Variants in TRIO observed in about 807,000 individuals in gnomAD.
The protein encoded by TRIO is triple functional domain protein.
TRIO carries 58 observed loss-of-function variants against 351.9 expected under a neutral mutation model. That is an observed-to-expected ratio of 0.16 (90% confidence interval 0.13 to 0.21). The LOEUF (loss-of-function observed/expected upper bound fraction) is 0.21, where lower values mean the gene tolerates loss of function less well. TRIO is among the 10% of genes least tolerant of loss of function. TRIO has a pLI of 1.00. For missense variants in TRIO, 3,201 were observed against 4,027.8 expected (o/e 0.79, Z 5.56); for synonymous variants, 1,758 against 1,595.7 (o/e 1.10, Z -2.42).
At chr5:14,249,816 A>G (rs533716672) in intron 1 of TRIO, among the ~76,000 whole-genome samples, 1 of 152,340 alleles carries the variant, frequency 6.6e-6, no homozygotes, top group East Asian at 1.9e-4. Flanking sequence ...GAGCAGCTTC[A>G]TTTGATGGTG....
chr5:14,423,695 T>C (rs1016055822), intron 34 of TRIO, among the ~76,000 whole-genome samples: 4 of 152,146 alleles, frequency 2.6e-5, no homozygotes, highest in Non-Finnish European at 5.9e-5. Context: ...TGAGCGTCTC[T>C]CACTCTCTGC....
chr5:14,191,848 C>G (rs1790477908), intron 1 of TRIO, among the ~76,000 whole-genome samples: 3 of 152,188 alleles, frequency 2.0e-5, no homozygotes, highest in African/African-American at 2.4e-5. Context: ...TGGCTCTGCT[C>G]CTTCACCATA....
intron 1 of TRIO, among the ~76,000 whole-genome samples, chr5:14,243,924 A>G (rs1794281614): frequency 6.6e-6 from 1 of 152,234 alleles, no homozygotes; most frequent in Non-Finnish European, 1.5e-5. Context: ...GTACAATAAC[A>G]GCGCCATATG....
intron 1 of TRIO, among the ~76,000 whole-genome samples, chr5:14,220,966 C>T (rs1581381786): frequency 6.6e-6 from 1 of 152,196 alleles, no homozygotes; most frequent in East Asian, 1.9e-4. Context: ...ACTTTCACAG[C>T]TAGAGAGGAG....
rs1258398966 is a variant in TRIO at position 14,368,626 on chromosome 5, G to C, written c.2875-82G>C. On this transcript the variant is annotated intron_variant, in intron 16 of 56. Coordinates refer to ENST00000344204, the MANE Select transcript of TRIO (RefSeq NM_007118.4). ...TATTTCCACAAAATCATGAAGAACA[G>C]AGTAACTGTAGCCATCCTGGTTCCT... is the stretch of plus-strand genomic sequence containing the variant. The C allele has an allele frequency of 2.8e-5, 40 of 1,442,204 alleles. No homozygotes were observed. The Admixed American group carries it at 8.2e-4, about 30-fold the overall frequency. 89.3% of individuals were successfully genotyped at this position (1,442,204 alleles called of 1,614,324 possible). A position where few individuals can be genotyped will look rare whatever the true frequency, so the allele number is the denominator to read the frequency against.
rs564811668 is a variant in TRIO, at chr5:14,347,580, C to T, written c.2047-10598C>T. 2.3e-4 allele frequency among the ~76,000 whole-genome samples: 35 copies of T among 152,330 alleles called. No homozygotes were observed. The South Asian group carries it at 3.5e-3, about 15-fold the overall frequency. The stretch of plus-strand genomic sequence containing the variant: ...CGGAAAACTACTTTGCTGTGTTAAG[C>T]GCTATTTTTCTTAAAAATGGGCAAA... On this transcript the variant is annotated intron_variant, in intron 11 of 56. Coordinates refer to ENST00000344204, the MANE Select transcript of TRIO (RefSeq NM_007118.4).
chr5:14,415,611 T>C (rs536147354), intron 33 of TRIO, among the ~76,000 whole-genome samples: 1 of 152,344 alleles, frequency 6.6e-6, no homozygotes, highest in African/African-American at 2.4e-5. Context: ...AATTCTGTTC[T>C]ATGTGGTAAT....
intron 8 of TRIO, among the ~76,000 whole-genome samples, chr5:14,311,668 A>G (rs898309674): frequency 1.3e-5 from 2 of 152,176 alleles, no homozygotes; most frequent in Non-Finnish European, 2.9e-5. Flanking sequence ...CTTTATTAGA[A>G]CCTTGATATG....
Position 14,485,053 on chromosome 5 carries a change from T to A in TRIO, c.6658-16T>A. 1.6e-6 allele frequency: 1 copy of A among 631,678 alleles called. No individual in the cohort carries two copies. Among genetic ancestry groups the A allele is most frequent in the Non-Finnish European group, 2.4e-6 (1 of 417,368 alleles). The allele number at this position is 631,678 out of a possible 1,614,324, so 39.1% of individuals were successfully genotyped here. ...CACCTGTTAGCTATTATGAATAATG[T>A]TTTTTTTTTTTTAAGGTGAGTTGCC... On this transcript the variant is annotated splice_polypyrimidine_tract_variant and intron_variant, in intron 46 of 56. Coordinates refer to ENST00000344204, the MANE Select transcript of TRIO (RefSeq NM_007118.4).
At chr5:14,375,187 G>A (rs986283744) in intron 19 of TRIO, among the ~76,000 whole-genome samples, 1 of 152,242 alleles carries the variant, frequency 6.6e-6, no homozygotes, top group East Asian at 1.9e-4. Context: ...ATTTATTGAT[G>A]GGCTTTTTCT....
intron 19 of TRIO, 71 bp from the exon 20 acceptor site, chr5:14,377,941 A>C: frequency 8.4e-7 from 1 of 1,185,172 alleles, no homozygotes; most frequent in Non-Finnish European, 1.2e-6. Flanking sequence ...CTAAATAAAA[A>C]TGAATGGAAT....
intron 1 of TRIO, among the ~76,000 whole-genome samples, chr5:14,146,792 T>C (rs886421245): frequency 2.6e-5 from 4 of 152,152 alleles, no homozygotes; most frequent in Admixed American, 2.6e-4. Context: ...GTTCTCCGCT[T>C]TTCTTTGGGT....
chr5:14,497,822 T>A lies in TRIO; in HGVS notation c.8020-25T>A. 6.2e-7 allele frequency: 1 copy of A among 1,614,206 alleles called. No individual in the cohort carries two copies. Among genetic ancestry groups the A allele is most frequent in the Non-Finnish European group, 8.5e-7 (1 of 1,180,014 alleles). ...CCTTAAAGTAGCTCATTTCAGTTAATGCTTGTTTGCTGTTTCCATTTCAGC... is the reference window on the plus strand; with the variant it reads ...CCTTAAAGTAGCTCATTTCAGTTAAAGCTTGTTTGCTGTTTCCATTTCAGC... On this transcript the variant is annotated intron_variant, in intron 50 of 56. Transcript: ENST00000344204. The surrounding 1 kb of genome is among the most constrained non-coding windows in gnomAD (Gnocchi z 4.4).
chr5:14,397,994 G>C (rs1455317233), intron 29 of TRIO, among the ~76,000 whole-genome samples: 3 of 152,174 alleles, frequency 2.0e-5, no homozygotes, highest in African/African-American at 7.2e-5. Context: ...GCAGGAAGTG[G>C]GGAAGAAAGT....
At chr5:14,263,842 C>T (rs1479146740) in intron 1 of TRIO, among the ~76,000 whole-genome samples, 1 of 152,170 alleles carries the variant, frequency 6.6e-6, no homozygotes, top group East Asian at 1.9e-4. Flanking sequence ...ACAGGCTTTA[C>T]AGGGACATGC....
In TRIO at chr5:14,314,496, A is replaced by G. The variant is rs575331127; in HGVS notation, c.1501-2017A>G. 3.7e-4 allele frequency among the ~76,000 whole-genome samples: 56 copies of G among 152,328 alleles called. No homozygotes were observed. In the South Asian group the frequency reaches 0.011, roughly 31 times the overall value. ...TTATTGTGGTCATGTGATATTTTGA[A>G]AGGGAAAACAGCTCTTGTAAAGTTC... is the stretch of plus-strand genomic sequence containing the variant. On this transcript the variant is annotated intron_variant, in intron 8 of 56. Coordinates refer to ENST00000344204, the MANE Select transcript of TRIO (RefSeq NM_007118.4).
intron 2 of TRIO, among the ~76,000 whole-genome samples, chr5:14,276,414 G>C (rs565080321): frequency 6.6e-6 from 1 of 152,386 alleles, no homozygotes; most frequent in Non-Finnish European, 1.5e-5. Flanking sequence ...AGAAGGTGCA[G>C]GGCTGGCGAG....
intron 1 of TRIO, among the ~76,000 whole-genome samples, chr5:14,246,563 G>A (rs568882830): frequency 6.6e-6 from 1 of 152,208 alleles, no homozygotes; most frequent in Admixed American, 6.5e-5. Flanking sequence ...AGTCTCAACC[G>A]GAATGTCACT....
At chr5:14,384,520 T>G (rs1480917427) in intron 21 of TRIO, among the ~76,000 whole-genome samples, 1 of 152,220 alleles carries the variant, frequency 6.6e-6, no homozygotes, top group Non-Finnish European at 1.5e-5. Context: ...AAAATCCTTA[T>G]AATATCTCAC....
Sources: allele counts gnomAD v4.1 joint callset (sites outside exome capture counted in the v4.1 genomes callset), GRCh38; gene constraint gnomAD v4.1.1; non-coding constraint Gnocchi (gnomAD v3.1); transcripts MANE v1.5; gene names NCBI Gene and HGNC (gene_info 2026-07-23, HGNC 2026-07-21).